CYYR1: variants seen among roughly 807,000 people sequenced by gnomAD.
The protein encoded by CYYR1 is cysteine and tyrosine rich 1, also known as cysteine and tyrosine-rich protein 1.
CYYR1 carries 14 observed loss-of-function variants against 15.2 expected under a neutral mutation model. That is an observed-to-expected ratio of 0.92 (90% CI 0.61 to 1.44). The LOEUF (loss-of-function observed/expected upper bound fraction) is 1.44. CYYR1 is among the 40% of genes most tolerant of loss of function. The pLI is 0.00. For synonymous variants in CYYR1, 80 were observed against 77.4 expected (o/e 1.03, Z -0.18); for missense variants, 228 against 209.5 (o/e 1.09, Z -0.54).
intron 2 of CYYR1, chr21:26,550,971 C>T (rs1026757168): frequency 1.2e-4 from 18 of 152,550 alleles, no homozygotes; most frequent in African/African-American, 4.1e-4. Flanking sequence ...TGACTGGCTT[C>T]AAAGCTTCAA....
chr21:26,565,048 T>C (rs1311843375), intron 2 of CYYR1, among the ~76,000 whole-genome samples: 1 of 152,152 alleles, frequency 6.6e-6, no homozygotes, highest in African/African-American at 2.4e-5. Flanking sequence ...TTCAAACATT[T>C]TATTGGAGCT....
Position 26,466,294 on chromosome 21 carries a change from G to A in CYYR1, c.*2207C>T, listed in dbSNP as rs763937965. ...AGCAAATGTTAGTTTTTAAATAACCGTAATTCAAAACTTTCACATCCTATA... is the reference window on the plus strand; with the variant it reads ...AGCAAATGTTAGTTTTTAAATAACCATAATTCAAAACTTTCACATCCTATA... On this transcript the variant is annotated 3_prime_UTR_variant, in exon 4 of 4. Transcript: ENST00000652641. 3.3e-5 allele frequency: 5 copies of A among 152,144 alleles called. No homozygotes were observed. The highest frequency in any genetic ancestry group is 9.7e-5 in the African/African-American group (4 of 41,424). The allele number at this position is 152,144 out of a possible 1,614,324, so 9.4% of individuals were successfully genotyped here. A position where few individuals can be genotyped will look rare whatever the true frequency, so the allele number is the denominator to read the frequency against.
At chr21:26,531,535 C>T (rs1445762950) in intron 2 of CYYR1, among the ~76,000 whole-genome samples, 2 of 152,064 alleles carry the variant, frequency 1.3e-5, no homozygotes, top group Admixed American at 6.6e-5. Flanking sequence ...TTTTTCCCTT[C>T]ATTTTCTCTC....
intron 2 of CYYR1, among the ~76,000 whole-genome samples, chr21:26,521,628 T>G (rs1322569172): frequency 6.6e-6 from 1 of 152,214 alleles, no homozygotes; most frequent in Non-Finnish European, 1.5e-5. Flanking sequence ...CACTGCTACC[T>G]CTATTGAACT....
chr21:26,566,292 G>A lies in CYYR1; in HGVS notation c.150C>T (p.Tyr50=). 2 of 1,613,682 alleles carry A rather than the reference G, an allele frequency of 1.2e-6. No individual in the cohort carries two copies. The highest frequency in any genetic ancestry group is 1.7e-6 in the Non-Finnish European group (2 of 1,179,688). Residue 50 remains tyrosine (Y), a synonymous_variant, in exon 2 of 4, where the codon TAC becomes TAT. Transcript: ENST00000652641. ...AGAGGATATTCCCAATATAAGCGTA[G>A]TAGGAGCAACAGTAGGGCGTGGTTC... ...CDGTTPYCCS[Y]YAYIGNILSG... is the part of the protein sequence containing the mutation.
intron 2 of CYYR1, among the ~76,000 whole-genome samples, chr21:26,526,803 A>G (rs1004416571): frequency 3.3e-5 from 5 of 152,142 alleles, no homozygotes; most frequent in African/African-American, 1.2e-4. Flanking sequence ...ACTTTTGGGT[A>G]AAAGCTTTTT....
chr21:26,525,770 T>G (rs2065856174), intron 2 of CYYR1, among the ~76,000 whole-genome samples: 2 of 152,246 alleles, frequency 1.3e-5, no homozygotes, highest in African/African-American at 4.8e-5. Context: ...ATCATTTTAC[T>G]GTGTTAACAT....
chr21:26,532,930 A>G (rs1313690205), intron 2 of CYYR1, among the ~76,000 whole-genome samples: 1 of 152,106 alleles, frequency 6.6e-6, no homozygotes, highest in African/African-American at 2.4e-5. Flanking sequence ...TGTTATGTTT[A>G]TAAGGTATGT....
chr21:26,552,558 C>A (rs757254597), intron 2 of CYYR1, among the ~76,000 whole-genome samples: 4 of 151,990 alleles, frequency 2.6e-5, no homozygotes, highest in Non-Finnish European at 5.9e-5. Context: ...TTTGACTCCC[C>A]TTTTCTGCCT....
intron 2 of CYYR1, among the ~76,000 whole-genome samples, chr21:26,503,308 G>T (rs1009167081): frequency 2.6e-5 from 4 of 152,162 alleles, no homozygotes; most frequent in Non-Finnish European, 5.9e-5. Context: ...TTTAAAAAAA[G>T]AAAATAGTAA....
chr21:26,507,023 A>G (rs222974), intron 2 of CYYR1, among the ~76,000 whole-genome samples: 60,544 of 152,084 alleles, frequency 0.4, 12,967 homozygotes, highest in African/African-American at 0.56. Context: ...ATGCAACTTC[A>G]AAAAAATCAA....
rs749227767 is a variant in CYYR1 at position 26,546,768 on chromosome 21, C to T, written c.176+19498G>A. Among the ~76,000 whole-genome samples, 217 of 152,226 alleles carry T rather than the reference C, an allele frequency of 1.4e-3. 1 individual carries two copies. Among genetic ancestry groups the T allele is most frequent in the Non-Finnish European group, 2.6e-3 (176 of 68,016 alleles). On this transcript the variant is annotated intron_variant, in intron 2 of 3. Transcript: ENST00000652641. ...GAAGAAGCCCATGCAGTACACCAAC[C>T]CGAGAGAGAAAGCTTTATTAACGTC...
intron 2 of CYYR1, among the ~76,000 whole-genome samples, chr21:26,512,330 C>T (rs982242882): frequency 1.8e-4 from 27 of 152,086 alleles, no homozygotes; most frequent in African/African-American, 6.0e-4. Context: ...TCCCAAGTAG[C>T]TGGGATTACA....
At chr21:26,559,880 T>A (rs1257318944) in intron 2 of CYYR1, among the ~76,000 whole-genome samples, 1 of 152,166 alleles carries the variant, frequency 6.6e-6, no homozygotes, top group Non-Finnish European at 1.5e-5. Flanking sequence ...GTAAGGCATA[T>A]CTTCTGACCT....
At chr21:26,481,923 T>C (rs2065187022) in intron 2 of CYYR1, among the ~76,000 whole-genome samples, 1 of 152,084 alleles carries the variant, frequency 6.6e-6, no homozygotes, top group African/African-American at 2.4e-5. Context: ...TATCAAGTTT[T>C]TTATTATCTA....
intron 2 of CYYR1, among the ~76,000 whole-genome samples, chr21:26,505,169 C>A (rs139274908): frequency 6.6e-6 from 1 of 152,218 alleles, no homozygotes; most frequent in East Asian, 1.9e-4. Flanking sequence ...GAAAACATGG[C>A]CCCTCTTTGC....
chr21:26,508,743 T>C (rs1231344032), intron 2 of CYYR1, among the ~76,000 whole-genome samples: 1 of 152,118 alleles, frequency 6.6e-6, no homozygotes, highest in Non-Finnish European at 1.5e-5. Context: ...TTTTTGATGA[T>C]TTACTATGGA....
At chr21:26,522,068 C>G (rs73179296) in intron 2 of CYYR1, among the ~76,000 whole-genome samples, 7,782 of 152,282 alleles carry the variant, frequency 0.051, 270 homozygotes, top group South Asian at 0.09. Context: ...TCTGTCAAAA[C>G]TACGTGCCTT....
chr21:26,517,209 C>T (rs922949651), intron 2 of CYYR1, among the ~76,000 whole-genome samples: 59 of 148,196 alleles, frequency 4.0e-4, no homozygotes, highest in Non-Finnish European at 4.5e-4. Flanking sequence ...AATAAGGTAC[C>T]TATCAATAAA....
Sources: allele counts gnomAD v4.1 joint callset (sites outside exome capture counted in the v4.1 genomes callset), GRCh38; gene constraint gnomAD v4.1.1; transcripts MANE v1.5; gene names NCBI Gene and HGNC (gene_info 2026-07-23, HGNC 2026-07-21).